Variants in CNOT1 observed in about 807,000 individuals in gnomAD.
CNOT1 encodes the protein CCR4-associated factor 1.
A neutral mutation model predicts 273.8 loss-of-function variants in CNOT1; 15 were observed. The ratio of observed to expected loss-of-function variants is 0.05; its 90% confidence interval spans 0.04 to 0.08. The LOEUF (loss-of-function observed/expected upper bound fraction) is 0.08. CNOT1 is among the 10% of genes least tolerant of loss of function. The pLI is 1.00. For synonymous variants in CNOT1, 1,022 were observed against 1,005.5 expected, an observed-to-expected ratio of 1.02 and a Z score of -0.31; for missense variants, 1,644 against 2,912.2, an observed-to-expected ratio of 0.56 and a Z score of 10.02.
Position 58,582,879 on chromosome 16 carries a change from T to C in CNOT1, c.958A>G (p.Ile320Val), listed in dbSNP as rs200647307. 5.6e-6 allele frequency: 9 copies of C among 1,610,804 alleles called. No homozygotes were observed. In the East Asian group the frequency reaches 1.8e-4, roughly 32 times the overall value. ...CTTTTATCTTTCCCATCACTCCAGA[T>C]CCCACTGCCCGGAGCAGAAATACTC... Reference protein sequence around the residue: ...LQSISAPGSGIWSDGKDKSDG... With the variant: ...LQSISAPGSGVWSDGKDKSDG... Residue 320 changes from isoleucine (I) to valine (V), a missense_variant, in exon 10 of 49, where the codon ATC becomes GTC. Ile to Val is a conservative substitution (Grantham distance 29). Transcript: ENST00000317147.
chr16:58,581,932 G>A (rs1184176244), intron 10 of CNOT1, among the ~76,000 whole-genome samples: 1 of 151,832 alleles, frequency 6.6e-6, no homozygotes, highest in Admixed American at 6.6e-5. Context: ...CAAAATGCTG[G>A]GATTACAGGA....
At chr16:58,528,062 G>A (rs35432891) in intron 44 of CNOT1, 27,268 of 434,274 alleles carry the variant, frequency 0.063, 1,097 homozygotes, top group Middle Eastern at 0.092. Flanking sequence ...GCAGTAAGCC[G>A]AGACTGCACC....
chr16:58,597,867 C>A, intron 2 of CNOT1: 1 of 340,366 alleles, frequency 2.9e-6, no homozygotes, highest in Admixed American at 3.8e-5. Context: ...AAGGGTCTGG[C>A]TGGACAGAAG....
In CNOT1 at chr16:58,534,034, G is replaced by A. The variant is rs962058827; in HGVS notation, c.5895+113C>T. 9 of 1,163,148 alleles carry A rather than the reference G, an allele frequency of 7.7e-6. No individual in the cohort carries two copies. In the African/African-American group the frequency reaches 1.3e-4, roughly 17 times the overall value. The allele number at this position is 1,163,148 out of a possible 1,614,324, so 72.1% of individuals were successfully genotyped here. On this transcript the variant is annotated intron_variant, in intron 40 of 48. Transcript: ENST00000317147. ...CTACTTCGGAGGCACTCCAGCCTGG[G>A]TGACAGAGTGAGACTCTCTCAAAGA...
At chr16:58,545,538 C>T (rs763672591) in intron 29 of CNOT1, 47 bp from the exon 30 acceptor site, 2 of 1,606,938 alleles carry the variant, frequency 1.2e-6, no homozygotes, top group East Asian at 4.5e-5. Context: ...CATTTGTTGA[C>T]TTTATTATAA....
At chr16:58,625,857 C>CAAAAA (rs35404068) in intron 1 of CNOT1, among the ~76,000 whole-genome samples, 5 of 106,382 alleles carry the variant, frequency 4.7e-5, no homozygotes, top group South Asian at 3.5e-4. Context: ...AACCCTGTCT[C>CAAAAA]AAAAAAAAAA....
At chr16:58,532,528 T>C in intron 40 of CNOT1, 133 bp from the exon 41 acceptor site, 1 of 1,412,750 alleles carries the variant, frequency 7.1e-7, no homozygotes, top group Non-Finnish European at 9.3e-7. Flanking sequence ...GAATACAAAA[T>C]TACATGCTGG....
intron 38 of CNOT1, 22 bp downstream of exon 38, chr16:58,537,869 T>A: frequency 6.2e-7 from 1 of 1,612,818 alleles, no homozygotes; most frequent in Non-Finnish European, 8.5e-7. Flanking sequence ...TGCACAGGGA[T>A]CTCAAAGCAT....
intron 31 of CNOT1, 148 bp from the exon 32 acceptor site, chr16:58,542,716 G>C (rs957087176): frequency 1.6e-6 from 2 of 1,264,316 alleles, no homozygotes; most frequent in African/African-American, 1.5e-5. Context: ...CTGTGATCTT[G>C]AAACAGTCTT....
intron 30 of CNOT1, among the ~76,000 whole-genome samples, chr16:58,544,219 GCT>G (rs1834170903): frequency 1.3e-5 from 2 of 152,052 alleles, no homozygotes; most frequent in African/African-American, 4.8e-5. Context: ...TGGCTCAAGT[GCT>G]CTTAAAAGAA....
chr16:58,629,119 G>A (rs2043709777), intron 1 of CNOT1, among the ~76,000 whole-genome samples: 1 of 152,264 alleles, frequency 6.6e-6, no homozygotes. Context: ...TAATAAGGAA[G>A]TGCTTGCTCC....
In CNOT1 at chr16:58,532,103, GCA is replaced by G. The variant is rs1040465772; in HGVS notation, c.6060-30_6060-29del. 5.6e-6 allele frequency: 9 copies of G among 1,613,450 alleles called. No individual in the cohort carries two copies. In the African/African-American group the frequency reaches 1.2e-4, roughly 22 times the overall value. On this transcript the variant is annotated intron_variant, in intron 41 of 48. Transcript: ENST00000317147. ...GAAAGAAGAAAAACCTTAGTCAGAA[GCA>G]CAGTCCAACTTAAATACAGTGAACA...
intron 16 of CNOT1, among the ~76,000 whole-genome samples, chr16:58,561,591 A>G (rs2040842887): frequency 6.6e-6 from 1 of 152,174 alleles, no homozygotes; most frequent in African/African-American, 2.4e-5. Context: ...CAATTTTCCT[A>G]TCTTAGGTTG....
chr16:58,534,036 G>A (rs2151907246), intron 40 of CNOT1, 111 bp downstream of exon 40: 2 of 1,167,618 alleles, frequency 1.7e-6, no homozygotes, highest in African/African-American at 3.2e-5. Flanking sequence ...CAGCCTGGGT[G>A]ACAGAGTGAG....
chr16:58,587,737 C>A, intron 4 of CNOT1, 43 bp downstream of exon 4: 1 of 1,596,808 alleles, frequency 6.3e-7, no homozygotes, highest in Non-Finnish European at 8.5e-7. Flanking sequence ...TTTTAGAAAG[C>A]CTAAGGAGAG....
At chr16:58,554,932 T>G (rs1343810748) in intron 21 of CNOT1, among the ~76,000 whole-genome samples, 2 of 8,950 alleles carry the variant, frequency 2.2e-4, no homozygotes, top group African/African-American at 1.9e-3. Flanking sequence ...CAAGACTCCA[T>G]CTCAAAAAAA....
intron 1 of CNOT1, among the ~76,000 whole-genome samples, chr16:58,618,144 C>T (rs924667866): frequency 6.6e-6 from 1 of 152,074 alleles, no homozygotes; most frequent in African/African-American, 2.4e-5. Context: ...TTATGCATAA[C>T]TATTTTGTGG....
chr16:58,568,686 A>T (rs965859328), intron 16 of CNOT1, among the ~76,000 whole-genome samples: 1 of 152,050 alleles, frequency 6.6e-6, no homozygotes, highest in Non-Finnish European at 1.5e-5. Flanking sequence ...TCTCGATTTT[A>T]AAAAAAAGAG....
chr16:58,544,684 T>C (rs537185841), intron 30 of CNOT1, among the ~76,000 whole-genome samples: 1 of 152,318 alleles, frequency 6.6e-6, no homozygotes, highest in Non-Finnish European at 1.5e-5. Flanking sequence ...CTTGTATTTG[T>C]GAACATTTTC....
Sources: gnomAD v4.1 joint callset for allele counts (sites outside exome capture counted in the v4.1 genomes callset) on GRCh38, gnomAD v4.1.1 for gene constraint, MANE v1.5 for transcripts, NCBI Gene and HGNC (gene_info 2026-07-23, HGNC 2026-07-21) for gene names.